The following RBM23 variants were observed in gnomAD, a reference collection of about 807,000 sequenced individuals.
The protein encoded by RBM23 is RNA binding motif protein 23, also known as probable RNA-binding protein 23.
In RBM23, 53 loss-of-function variants were observed where a neutral mutation model predicts 56.2. That is an observed-to-expected ratio of 0.94 (90% confidence interval 0.76 to 1.19). The LOEUF (loss-of-function observed/expected upper bound fraction) is 1.19. RBM23 is among the 50% of genes most tolerant of loss of function. The pLI is 0.00. For missense variants in RBM23, 642 were observed against 590.3 expected, an observed-to-expected ratio of 1.09 and a Z score of -0.91; for synonymous variants, 197 against 198.5, an observed-to-expected ratio of 0.99 and a Z score of 0.06.
chr14:22,901,799 G>C lies in RBM23; in HGVS notation c.1316+15C>G. On this transcript the variant is annotated intron_variant, in intron 13 of 13. Transcript: ENST00000359890. ...AATAATCAAAGGCTAGAATGAGCTA[G>C]ACCCTGAGACTCACATGGTCTGGGG... The C allele has an allele frequency of 6.2e-7, 1 of 1,614,086 alleles. No individual in the cohort carries two copies. The highest frequency in any genetic ancestry group is 1.1e-5 in the South Asian group (1 of 91,080).
At position 22,902,309 on chromosome 14, in the gene RBM23, C is replaced by G. The variant is rs547621969; in HGVS notation, c.1004G>C (p.Arg335Thr). Residue 335 changes from arginine to threonine, a missense_variant, in exon 11 of 14, where the codon AGG becomes ACG. Physicochemically the swap from Arg to Thr is moderately conservative, Grantham distance 71. Transcript: ENST00000359890. ...NGFELAGRPM[R>T]VGHVTERLDG... ...CAGTCGCTCAGTCACATGGCCAACC[C>G]TCATAGGTCGACCAGCAAGCTCAAA... The G allele has an allele frequency of 4.3e-6, 7 of 1,614,072 alleles. No homozygotes were observed. Among genetic ancestry groups the G allele is most frequent in the Non-Finnish European group, 5.1e-6 (6 of 1,180,042 alleles).
intron 1 of RBM23, among the ~76,000 whole-genome samples, chr14:22,914,235 G>A (rs938573580): frequency 1.3e-5 from 2 of 149,872 alleles, no homozygotes; most frequent in African/African-American, 4.9e-5. Context: ...TGAGGCAGGG[G>A]AATCGTTTGA....
chr14:22,911,425 G>C lies in RBM23; in HGVS notation c.-10-22C>G, dbSNP rs567337307. ...AGATCTGGGGAGAGGATATTAATAT[G>C]TAAGAATCTGTTTTATATTTTTCCT... is the stretch of plus-strand genomic sequence containing the variant. On this transcript the variant is annotated intron_variant, in intron 1 of 13. Transcript: ENST00000359890. The C allele has an allele frequency of 4.4e-6, 7 of 1,578,888 alleles. No homozygotes were observed. In the South Asian group the frequency reaches 7.8e-5, roughly 18 times the overall value.
At position 22,898,975 on chromosome 14, in the gene RBM23, C is replaced by G. The variant is rs1424301915; in HGVS notation, c.*2755G>C. The G allele has an allele frequency of 6.6e-6, 1 of 152,144 alleles. No individual in the cohort carries two copies. Among genetic ancestry groups the G allele is most frequent in the African/African-American group, 2.4e-5 (1 of 41,422 alleles). 9.4% of individuals were successfully genotyped at this position (152,144 alleles called of 1,614,324 possible). On this transcript the variant is annotated 3_prime_UTR_variant, in exon 14 of 14. Coordinates refer to ENST00000359890, the MANE Select transcript of RBM23 (RefSeq NM_001077351.2). ...TAGTGCATCCTCCTTCCCTTTTCCC[C>G]CGGTCCAGAAAGCAAACTAGGATAA...
chr14:22,914,658 A>C (rs1179506866), intron 1 of RBM23, among the ~76,000 whole-genome samples: 2 of 151,466 alleles, frequency 1.3e-5, no homozygotes, highest in South Asian at 4.2e-4. Context: ...CTATGCAAGG[A>C]GGCTATCATA....
rs1178928196 is a variant in RBM23, at chr14:22,894,967, G to A, written c.*6763C>T. ...AGGCAGGAGAATGGCATGAACCTGG[G>A]AGGCAGAGCTTGCAGTGACCCGAGA... is the stretch of plus-strand genomic sequence containing the variant. On this transcript the variant is annotated 3_prime_UTR_variant, in exon 14 of 14. Transcript: ENST00000359890. The A allele has an allele frequency of 4.6e-5, 7 of 151,016 alleles. No homozygotes were observed. Among genetic ancestry groups the A allele is most frequent in the African/African-American group, 1.7e-4 (7 of 40,976 alleles). The allele number at this position is 151,016 out of a possible 1,614,324, so 9.4% of individuals were successfully genotyped here.
intron 1 of RBM23, among the ~76,000 whole-genome samples, chr14:22,914,204 T>A (rs4542580): frequency 1 from 152,058 of 152,058 alleles, 76,029 homozygotes; most frequent in Non-Finnish European, 1. Flanking sequence ...GCACGCCTGT[T>A]GTCCCAGCTA....
chr14:22,907,593 AAAAAT>A (rs1270704268), intron 4 of RBM23, among the ~76,000 whole-genome samples: 1 of 152,244 alleles, frequency 6.6e-6, no homozygotes, highest in Admixed American at 6.5e-5. Context: ...AAAATTGTTT[AAAAAT>A]AAAACAATTA....
At chr14:22,914,739 T>C (rs544294818) in intron 1 of RBM23, among the ~76,000 whole-genome samples, 1 of 152,172 alleles carries the variant, frequency 6.6e-6, no homozygotes, top group Non-Finnish European at 1.5e-5. Flanking sequence ...TCCCAGTACT[T>C]TGGGAGGCCA....
At chr14:22,917,501 G>A (rs1269754724) in intron 1 of RBM23, 2 of 152,112 alleles carry the variant, frequency 1.3e-5, no homozygotes, top group East Asian at 3.8e-4. Flanking sequence ...CTTTCTAGAT[G>A]TGCTAAAAGC....
At chr14:22,913,736 C>A (rs1310210745) in intron 1 of RBM23, 1 of 151,980 alleles carries the variant, frequency 6.6e-6, no homozygotes, top group Non-Finnish European at 1.5e-5. Context: ...GTAGTCCCAG[C>A]TGCTTGGAAG....
At chr14:22,916,440 C>A (rs1419705359) in intron 1 of RBM23, among the ~76,000 whole-genome samples, 2 of 142,194 alleles carry the variant, frequency 1.4e-5, no homozygotes, top group Non-Finnish European at 3.0e-5. Context: ...ATATTTTGGG[C>A]TTTTTTTTTT....
At chr14:22,918,787 G>A (rs950569277) in intron 1 of RBM23, among the ~76,000 whole-genome samples, 3 of 152,210 alleles carry the variant, frequency 2.0e-5, no homozygotes, top group African/African-American at 4.8e-5. Flanking sequence ...ATACAGCCAC[G>A]AGGGTGCCCA....
rs1240032272 is a variant in RBM23, at chr14:22,902,057, G to GCGA, written c.1168_1169insTCG (p.Ala389_Ala390insVal). 1.4e-5 allele frequency: 21 copies of GCGA among 1,525,004 alleles called. No individual in the cohort carries two copies. Among genetic ancestry groups the GCGA allele is most frequent in the East Asian group, 2.2e-5 (1 of 44,492 alleles). 94.5% of individuals were successfully genotyped at this position (1,525,004 alleles called of 1,614,324 possible). A position where few individuals can be genotyped will look rare whatever the true frequency, so the allele number is the denominator to read the frequency against. On this transcript the variant is annotated inframe_insertion, in exon 12 of 14. Transcript: ENST00000359890. Reference sequence around the variant, plus strand: ...CAAGGCAGCAGCCTGGGCGGCGGCGGCAGCAGCAGCAGCAGCAGTGCTTGG... The same window carrying GCGA: ...CAAGGCAGCAGCCTGGGCGGCGGCGGCGACAGCAGCAGCAGCAGCAGTGCTTGG...
Position 22,902,203 on chromosome 14 carries a change from C to T in RBM23, c.1110G>A (p.Met370Ile), listed in dbSNP as rs2040655137. The change falls in exon 11 of 14, where the codon ATG becomes ATA. Residue 370 changes from methionine to isoleucine, a missense_variant. Physicochemically the swap from Met to Ile is conservative, Grantham distance 10. Coordinates refer to ENST00000359890, the MANE Select transcript of RBM23 (RefSeq NM_001077351.2). ...LGSAGGRFQL[M>I]AKLAEGAGIQ... ...ATATTTTACCTTCTGCCAGTTTTGC[C>T]ATGAGCTGAAAACGTCCACCTGCTG... is the stretch of plus-strand genomic sequence containing the variant. The T allele has an allele frequency of 1.9e-6, 3 of 1,613,880 alleles. No individual in the cohort carries two copies. Among genetic ancestry groups the T allele is most frequent in the Admixed American group, 3.3e-5 (2 of 59,996 alleles).
rs780261553 is a variant in RBM23 at position 22,902,004 on chromosome 14, C to T, written c.1222G>A (p.Ala408Thr). Residue 408 changes from alanine (A) to threonine (T), a missense_variant, in exon 12 of 14, where the codon GCC becomes ACC. Transcript: ENST00000359890. ...LQLNGAVPLG[A>T]LNPAALTALS... ...CCAGTCAGAGCTGCTGGATTCAGGG[C>T]CCCCAAGGGAACTGCTCCATTCAGT... 8 of 1,611,742 alleles carry T rather than the reference C, an allele frequency of 5.0e-6. No individual in the cohort carries two copies. The African/African-American group carries it at 8.0e-5, about 16-fold the overall frequency.
At chr14:22,906,470 G>T in intron 4 of RBM23, 102 bp from the exon 5 acceptor site, 1 of 1,353,026 alleles carries the variant, frequency 7.4e-7, no homozygotes, top group Non-Finnish European at 1.0e-6. Context: ...GTGCTGAGAA[G>T]TTCGTATAAC....
At position 22,898,044 on chromosome 14, in the gene RBM23, C is replaced by A. The variant is rs1021313046; in HGVS notation, c.*3686G>T. 3.9e-5 allele frequency: 6 copies of A among 152,324 alleles called. No individual in the cohort carries two copies. The East Asian group carries it at 9.6e-4, about 24-fold the overall frequency. The allele number at this position is 152,324 out of a possible 1,614,324, so 9.4% of individuals were successfully genotyped here. On this transcript the variant is annotated 3_prime_UTR_variant, in exon 14 of 14. Transcript: ENST00000359890. ...TCTTTTCACTGTCCAAGTGTTGCTGCCTGATTTTCACTAAAGCCTTTCCAT... is the reference window on the plus strand; with the variant it reads ...TCTTTTCACTGTCCAAGTGTTGCTGACTGATTTTCACTAAAGCCTTTCCAT...
Position 22,898,976 on chromosome 14 carries a change from C to A in RBM23, c.*2754G>T, listed in dbSNP as rs1570342. 0.32 allele frequency: 48,429 copies of A among 151,876 alleles called. 8,669 individuals are homozygous for A. The highest frequency in any genetic ancestry group is 0.48 in the African/African-American group (20,018 of 41,388). 9.4% of individuals were successfully genotyped at this position (151,876 alleles called of 1,614,324 possible). On this transcript the variant is annotated 3_prime_UTR_variant, in exon 14 of 14. Transcript: ENST00000359890. Reference sequence around the variant, plus strand: ...AGTGCATCCTCCTTCCCTTTTCCCCCGGTCCAGAAAGCAAACTAGGATAAG... The same window carrying A: ...AGTGCATCCTCCTTCCCTTTTCCCCAGGTCCAGAAAGCAAACTAGGATAAG...
Sources: gnomAD v4.1 joint callset for allele counts (sites outside exome capture counted in the v4.1 genomes callset) on GRCh38, gnomAD v4.1.1 for gene constraint, MANE v1.5 for transcripts, NCBI Gene and HGNC (gene_info 2026-07-23, HGNC 2026-07-21) for gene names.